The following LAMB1 variants were observed in gnomAD, a reference collection of about 807,000 sequenced individuals.
LAMB1 encodes laminin subunit beta-1.
LAMB1 carries 121 observed loss-of-function variants against 222.3 expected under a neutral mutation model. That is an observed-to-expected ratio of 0.54 (90% CI 0.47 to 0.63). The LOEUF is 0.63. Among genes scored for constraint, LAMB1 ranks in the 30% least tolerant of loss-of-function variants. The probability of loss-of-function intolerance (pLI) is 0.00; values close to 1 mark genes in which losing one functional copy is unlikely to be tolerated. For missense variants in LAMB1, 2,172 were observed against 2,240.8 expected (o/e 0.97, Z 0.62); for synonymous variants, 794 against 807.2 (o/e 0.98, Z 0.28).
chr7:107,959,168 G>A (rs945041687), intron 20 of LAMB1, 81 bp downstream of exon 20: 5 of 1,072,580 alleles, frequency 4.7e-6, no homozygotes, highest in African/African-American at 1.6e-5. Context: ...GCCTGGTGGA[G>A]ATGAATTCTG....
At chr7:107,970,476 G>C (rs1211620227) in intron 13 of LAMB1, among the ~76,000 whole-genome samples, 2 of 88,402 alleles carry the variant, frequency 2.3e-5, no homozygotes, top group Admixed American at 1.8e-4. Flanking sequence ...GTGACAAAGC[G>C]AAACTCTGTC....
intron 9 of LAMB1, among the ~76,000 whole-genome samples, chr7:107,976,881 TG>T (rs1563000061): frequency 3.2e-4 from 11 of 33,946 alleles, no homozygotes; most frequent in African/African-American, 1.2e-3. Flanking sequence ...CCTTTCCTCT[TG>T]CTCCTTCCTT....
chr7:107,931,057 AGGTTAGAAATTACTAT>A (rs901088078), intron 29 of LAMB1, among the ~76,000 whole-genome samples: 1 of 152,146 alleles, frequency 6.6e-6, no homozygotes. Context: ...CACTTCTTTA[AGGTTAGAAATTACTAT>A]ACGTAATTTC....
chr7:107,969,737 C>A (rs2033707585), intron 13 of LAMB1, among the ~76,000 whole-genome samples: 1 of 152,162 alleles, frequency 6.6e-6, no homozygotes, highest in Non-Finnish European at 1.5e-5. Flanking sequence ...CAAACCTGTA[C>A]AGCATATTAC....
At chr7:107,926,403 T>C (rs1449404885) in intron 31 of LAMB1, 44 bp from the exon 32 acceptor site, 1 of 1,544,050 alleles carries the variant, frequency 6.5e-7, no homozygotes, top group Non-Finnish European at 8.9e-7. Context: ...GTTTAAGAAA[T>C]GGAATTACTA....
Position 107,998,345 on chromosome 7 carries a change from C to A in LAMB1, c.349+12G>T. The A allele has an allele frequency of 6.2e-7, 1 of 1,613,780 alleles. No homozygotes were observed. The highest frequency in any genetic ancestry group is 8.5e-7 in the Non-Finnish European group (1 of 1,179,854). ...ACACTCAACGGAACTTGTCCCCACA[C>A]CAACCACATACCATTTTCAGATTGC... On this transcript the variant is annotated intron_variant, in intron 4 of 33. Transcript: ENST00000222399.
intron 3 of LAMB1, chr7:107,999,744 G>C (rs1004130225): frequency 6.8e-6 from 1 of 147,500 alleles, no homozygotes; most frequent in African/African-American, 2.5e-5. Flanking sequence ...ATATATACCA[G>C]AGAGCCTGGC....
intron 17 of LAMB1, among the ~76,000 whole-genome samples, 187 bp downstream of exon 17, chr7:107,961,019 T>G (rs889935490): frequency 1.3e-5 from 2 of 152,026 alleles, no homozygotes; most frequent in Non-Finnish European, 1.5e-5. Context: ...TAAAAGACAT[T>G]TTATATTTTT....
chr7:107,930,912 T>A (rs1350530505), intron 29 of LAMB1, among the ~76,000 whole-genome samples: 3 of 152,192 alleles, frequency 2.0e-5, no homozygotes, highest in Non-Finnish European at 4.4e-5. Flanking sequence ...GAGTTTTCTG[T>A]AATTTGCAGC....
intron 13 of LAMB1, 78 bp downstream of exon 13, chr7:107,972,914 A>G (rs1265754059): frequency 5.3e-6 from 6 of 1,130,812 alleles, no homozygotes; most frequent in Middle Eastern, 3.9e-4. Flanking sequence ...TTGAGAAACA[A>G]CTGAATGTCA....
chr7:107,957,819 G>A (rs2033409974), intron 20 of LAMB1, among the ~76,000 whole-genome samples: 1 of 152,068 alleles, frequency 6.6e-6, no homozygotes, highest in Admixed American at 6.6e-5. Flanking sequence ...ATGAGAAACT[G>A]GCTCAAACTA....
At chr7:107,926,586 G>A (rs1181705348) in intron 31 of LAMB1, among the ~76,000 whole-genome samples, 1 of 152,068 alleles carries the variant, frequency 6.6e-6, no homozygotes, top group Non-Finnish European at 1.5e-5. Context: ...GATGATCTAA[G>A]CTGAGATTGA....
intron 13 of LAMB1, among the ~76,000 whole-genome samples, 187 bp downstream of exon 13, chr7:107,972,805 T>C (rs1012546294): frequency 2.6e-5 from 4 of 152,220 alleles, no homozygotes; most frequent in Admixed American, 1.3e-4. Flanking sequence ...TAAAAATACA[T>C]ATGTACTTTG....
chr7:107,938,880 T>A (rs185891985), intron 25 of LAMB1, among the ~76,000 whole-genome samples: 1 of 152,294 alleles, frequency 6.6e-6, no homozygotes, highest in African/African-American at 2.4e-5. Context: ...CCAGTTACTT[T>A]AAATCTAGGT....
chr7:107,973,398 G>A (rs543986449), intron 12 of LAMB1, among the ~76,000 whole-genome samples: 9 of 152,284 alleles, frequency 5.9e-5, no homozygotes, highest in African/African-American at 1.7e-4. Flanking sequence ...GGCTGTAAGA[G>A]AATTATGGCA....
chr7:107,975,958 A>G lies in LAMB1; in HGVS notation c.1001-81T>C, dbSNP rs143534673. 78 of 1,256,304 alleles carry G rather than the reference A, an allele frequency of 6.2e-5. No homozygotes were observed. In the East Asian group the frequency reaches 1.9e-3, roughly 30 times the overall value. 77.8% of individuals were successfully genotyped at this position (1,256,304 alleles called of 1,614,324 possible). On this transcript the variant is annotated intron_variant, in intron 9 of 33. Coordinates refer to ENST00000222399, the MANE Select transcript of LAMB1 (RefSeq NM_002291.3). ...GATGGGGGTGGCAGGAAGATCCTTT[A>G]GGAAACCAGGGACTAAGTTCAGACA...
At chr7:108,002,642 G>T (rs1584549946) in intron 2 of LAMB1, among the ~76,000 whole-genome samples, 1 of 152,206 alleles carries the variant, frequency 6.6e-6, no homozygotes, top group African/African-American at 2.4e-5. Flanking sequence ...CGCAGAGCCC[G>T]GGGGATGAGG....
chr7:107,975,362 T>G lies in LAMB1; in HGVS notation c.1241A>C (p.Tyr414Ser), dbSNP rs977328623. The change falls in exon 11 of 34, where the codon TAT (tyrosine) becomes TCT (serine). Residue 414 changes from tyrosine to serine, a missense_variant. Coordinates refer to ENST00000222399, the MANE Select transcript of LAMB1 (RefSeq NM_002291.3). ...GSQNEGICDS[Y>S]TDFSTGLIAG... is the part of the protein sequence containing the mutation. Reference sequence around the variant, plus strand: ...AATGAGACCAGTAGAAAAATCAGTATAGCTGTCACAAATTCCCTCATTTTG... The same window carrying G: ...AATGAGACCAGTAGAAAAATCAGTAGAGCTGTCACAAATTCCCTCATTTTG... 6.2e-7 allele frequency: 1 copy of G among 1,613,890 alleles called. No homozygotes were observed. Among genetic ancestry groups the G allele is most frequent in the African/African-American group, 1.3e-5 (1 of 75,040 alleles).
intron 24 of LAMB1, among the ~76,000 whole-genome samples, chr7:107,947,983 CTTT>C (rs10630521): frequency 9.4e-5 from 11 of 117,254 alleles, no homozygotes; most frequent in African/African-American, 1.3e-4. Context: ...TCTTCTTCTT[CTTT>C]TTTTTTTTTT....
Sources: gnomAD v4.1 joint callset for allele counts (sites outside exome capture counted in the v4.1 genomes callset) on GRCh38, gnomAD v4.1.1 for gene constraint, MANE v1.5 for transcripts, NCBI Gene and HGNC (gene_info 2026-07-23, HGNC 2026-07-21) for gene names.